The following TUBGCP5 variants were observed in gnomAD, a reference collection of about 807,000 sequenced individuals.
TUBGCP5 encodes the protein gamma-tubulin complex component 5.
Under a neutral mutation model 134.7 loss-of-function variants are expected in TUBGCP5, and 98 were observed. The observed-to-expected ratio is 0.73, with a 90% confidence interval of 0.62 to 0.86. TUBGCP5 has a LOEUF of 0.86. TUBGCP5 is among the 40% of genes least tolerant of loss of function. The pLI is 0.00. For synonymous variants in TUBGCP5, 456 were observed against 431.4 expected (o/e 1.06, Z -0.71); for missense variants, 1,150 against 1,244.8 (o/e 0.92, Z 1.15).
chr15:23,022,812 A>G (rs1028143197), intron 10 of TUBGCP5, among the ~76,000 whole-genome samples: 3 of 152,208 alleles, frequency 2.0e-5, no homozygotes, highest in Non-Finnish European at 4.4e-5. Flanking sequence ...ATGGGAACAC[A>G]GGGCCTCTCT....
chr15:22,988,540 T>C lies in TUBGCP5; in HGVS notation c.*62-4929A>G, dbSNP rs765290453. ...CGAGGTCAGGAGATCGAGACCATCC[T>C]GGCTAACACAGTGAAACCCCGTCTC... On this transcript the variant is annotated intron_variant and NMD_transcript_variant, in intron 23 of 23. Transcript: ENST00000614508. 4.3e-4 allele frequency among the ~76,000 whole-genome samples: 65 copies of C among 151,432 alleles called. 1 individual carries two copies. Among genetic ancestry groups the C allele is most frequent in the Non-Finnish European group, 5.3e-4 (36 of 67,950 alleles).
rs1392982261 is a variant in TUBGCP5, at chr15:23,000,633, T to A, written c.2964A>T (p.Lys988Asn). ...TGGTTACAAGAAACATATGGCAGTT[T>A]TTAAAATCAGATTCCATTTTCTCTA... is the stretch of plus-strand genomic sequence containing the variant. ...ESIEKMESDF[K>N]NCHMFLVTIL... The change falls in exon 22 of 23, where the codon AAA becomes AAT. Residue 988 changes from lysine (K) to asparagine (N), a missense_variant. By Grantham distance (94) the Lys-to-Asn change is moderately conservative (BLOSUM62 0). This residue lies in a region of TUBGCP5 where 697 missense variants were observed against 850.1 expected (regional missense o/e 0.82). Transcript: ENST00000615383. The A allele has an allele frequency of 1.2e-6, 2 of 1,607,438 alleles. No individual in the cohort carries two copies. The highest frequency in any genetic ancestry group is 1.7e-5 in the Admixed American group (1 of 59,540).
Position 23,019,470 on chromosome 15 carries a change from A to C in TUBGCP5, c.1372-136T>G, listed in dbSNP as rs2065536289. On this transcript the variant is annotated intron_variant, in intron 11 of 22. Transcript: ENST00000615383. The stretch of plus-strand genomic sequence containing the variant: ...TTTTTGGGGCACAAAGAAATTAAAA[A>C]TCCAAAAACATACACTATAAAATCC... 7 of 656,618 alleles carry C rather than the reference A, an allele frequency of 1.1e-5. No individual in the cohort carries two copies. In the South Asian group the frequency reaches 1.3e-4, roughly 12 times the overall value. The allele number at this position is 656,618 out of a possible 1,614,324, so 40.7% of individuals were successfully genotyped here.
downstream of TUBGCP5, among the ~76,000 whole-genome samples, chr15:22,996,184 A>G (rs926825640): frequency 2.0e-5 from 3 of 152,238 alleles, no homozygotes; most frequent in African/African-American, 7.2e-5. Context: ...AAAATGCCAT[A>G]TAGTTTCCCC....
In TUBGCP5 at chr15:23,011,229, G is replaced by A. The variant is rs202095385; in HGVS notation, c.1859C>T (p.Ala620Val). 1.2e-6 allele frequency: 2 copies of A among 1,613,858 alleles called. No homozygotes were observed. The highest frequency in any genetic ancestry group is 3.3e-5 in the Admixed American group (2 of 60,002). Residue 620 changes from alanine to valine, a missense_variant, in exon 14 of 23, where the codon GCA (alanine) becomes GTA (valine). Transcript: ENST00000615383. ...CATCTTCATCAGGTTCTCCTTGGTT[G>A]CCTGTTGCTCAGTAAGAACCTGTGG... is the stretch of plus-strand genomic sequence containing the variant. ...STPQVLTEQQ[A>V]TKENLMKMQS...
chr15:22,993,051 A>G (rs1044383596), intron 23 of TUBGCP5, among the ~76,000 whole-genome samples: 10 of 152,208 alleles, frequency 6.6e-5, no homozygotes, highest in African/African-American at 2.4e-4. Flanking sequence ...GATAAACTAT[A>G]TGGCACTGCC....
At chr15:23,000,815 G>C in intron 21 of TUBGCP5, 146 bp from the exon 22 acceptor site, 1 of 610,224 alleles carries the variant, frequency 1.6e-6, no homozygotes, top group Non-Finnish European at 2.7e-6. Flanking sequence ...AACACATAAC[G>C]TCCTACCCTA....
chr15:23,039,314 C>A lies in TUBGCP5; in HGVS notation c.146+84G>T, dbSNP rs1033538528. On this transcript the variant is annotated intron_variant, in intron 1 of 22. Transcript: ENST00000615383. Reference sequence around the variant, plus strand: ...GCCTCCGCCCCATGCCCTGCCCCAGCGCGCCCCGACCCCGGGCTGTGCGGG... The same window carrying A: ...GCCTCCGCCCCATGCCCTGCCCCAGAGCGCCCCGACCCCGGGCTGTGCGGG... 2.5e-5 allele frequency: 31 copies of A among 1,226,286 alleles called. No homozygotes were observed. The Admixed American group carries it at 6.1e-4, about 24-fold the overall frequency. The allele number at this position is 1,226,286 out of a possible 1,614,324, so 76.0% of individuals were successfully genotyped here.
At chr15:23,005,185 A>AGCTGTG in intron 19 of TUBGCP5, among the ~76,000 whole-genome samples, 1 of 152,144 alleles carries the variant, frequency 6.6e-6, no homozygotes. Context: ...CCAGAAGACG[A>AGCTGTG]GCTGTGGCTG....
At chr15:22,992,913 T>C (rs2063895542) in intron 23 of TUBGCP5, among the ~76,000 whole-genome samples, 1 of 151,538 alleles carries the variant, frequency 6.6e-6, no homozygotes, top group Admixed American at 6.6e-5. Context: ...TATAGTAAAA[T>C]GTGAGAGGAG....
Position 23,031,027 on chromosome 15 carries a change from T to TA in TUBGCP5, c.487-8dup. On this transcript the variant is annotated splice_region_variant and splice_polypyrimidine_tract_variant and intron_variant, in intron 5 of 22. Transcript: ENST00000615383. ...CACTTTCTTCAGACCAATTCTGATT[T>TA]AAAAAAGAGATACACTTTAGCTTTA... 1 of 1,604,628 alleles carries TA rather than the reference T, an allele frequency of 6.2e-7. No individual in the cohort carries two copies. The highest frequency in any genetic ancestry group is 8.5e-7 in the Non-Finnish European group (1 of 1,177,510).
chr15:22,993,390 G>A (rs770553971), intron 23 of TUBGCP5, among the ~76,000 whole-genome samples: 8 of 151,302 alleles, frequency 5.3e-5, no homozygotes, highest in Non-Finnish European at 1.0e-4. Flanking sequence ...GAGCCACCGC[G>A]CCCAGCTGGA....
chr15:23,001,683 A>C, intron 21 of TUBGCP5, among the ~76,000 whole-genome samples: 1 of 149,380 alleles, frequency 6.7e-6, no homozygotes, highest in Admixed American at 6.7e-5. Context: ...AATATCAAAC[A>C]CTTTGTAAGA....
chr15:23,027,331 T>C, intron 6 of TUBGCP5, 25 bp from the exon 7 acceptor site: 7 of 1,596,034 alleles, frequency 4.4e-6, no homozygotes, highest in South Asian at 1.1e-5. Context: ...TGTAATCAGT[T>C]TGAGTTAACA....
chr15:23,035,807 A>G (rs1476929119), intron 3 of TUBGCP5, among the ~76,000 whole-genome samples: 2 of 152,180 alleles, frequency 1.3e-5, no homozygotes, highest in African/African-American at 4.8e-5. Context: ...CAGAGGGGAT[A>G]GTGAAGCAGA....
intron 20 of TUBGCP5, 70 bp downstream of exon 20, chr15:23,004,032 A>G (rs2064553746): frequency 4.6e-6 from 7 of 1,516,626 alleles, no homozygotes; most frequent in African/African-American, 1.4e-5. Flanking sequence ...AATCATCATA[A>G]AATTCCAAAG....
At chr15:23,023,713 G>A in intron 10 of TUBGCP5, 1 of 378,628 alleles carries the variant, frequency 2.6e-6, no homozygotes, top group East Asian at 5.7e-5. Context: ...GACTGGCTGG[G>A]GTACTGGTGC....
chr15:23,008,098 C>T (rs916800601), intron 16 of TUBGCP5, among the ~76,000 whole-genome samples: 1 of 152,068 alleles, frequency 6.6e-6, no homozygotes, highest in Non-Finnish European at 1.5e-5. Flanking sequence ...GGACGAGGTC[C>T]CACTATGTTG....
chr15:23,026,341 G>A (rs1007905926), intron 7 of TUBGCP5, 136 bp from the exon 8 acceptor site: 7 of 671,672 alleles, frequency 1.0e-5, no homozygotes, highest in Non-Finnish European at 1.8e-5. Flanking sequence ...TGGCTTAAAT[G>A]CCCCCTATAT....
Sources: allele counts gnomAD v4.1 joint callset (sites outside exome capture counted in the v4.1 genomes callset), GRCh38; gene constraint gnomAD v4.1.1; regional missense constraint gnomAD v4.1.1; transcripts MANE v1.5; gene names NCBI Gene and HGNC (gene_info 2026-07-23, HGNC 2026-07-21).